Variants in USP43 observed in about 807,000 individuals in gnomAD.
USP43 encodes the protein ubiquitin carboxyl-terminal hydrolase 43.
USP43 carries 33 observed loss-of-function variants against 90.7 expected under a neutral mutation model. The observed-to-expected ratio is 0.36, with a 90% CI of 0.28 to 0.49. The LOEUF (loss-of-function observed/expected upper bound fraction) is 0.49, where lower values mean the gene tolerates loss of function less well. Ranked by LOEUF, USP43 falls within the 20% of genes least tolerant of loss-of-function variation. The pLI, the probability that USP43 is intolerant of heterozygous loss-of-function variation, is 0.98. For synonymous variants in USP43, 598 were observed against 615.8 expected (o/e 0.97, Z 0.43); for missense variants, 1,274 against 1,476.4 (o/e 0.86, Z 2.25).
At chr17:9,645,455 G>C (rs951477507), upstream of USP43, 13 of 494,202 alleles carry the variant, frequency 2.6e-5, no homozygotes, top group African/African-American at 2.7e-4. The surrounding 1 kb of genome is among the most constrained non-coding windows in gnomAD (Gnocchi z 6.8). Flanking sequence ...TGGTCGTGCC[G>C]CCGGATTCCC....
In USP43 at chr17:9,728,420, T is replaced by C. The variant is rs1917394352; in HGVS notation, c.2802T>C (p.Thr934=). 1.2e-6 allele frequency: 2 copies of C among 1,610,794 alleles called. No individual in the cohort carries two copies. Among genetic ancestry groups the C allele is most frequent in the Admixed American group, 3.4e-5 (2 of 59,354 alleles). Residue 934 remains threonine (T), a synonymous_variant, in exon 15 of 15, where the codon ACT becomes ACC. Coordinates refer to ENST00000285199, the MANE Select transcript of USP43 (RefSeq NM_153210.5). The surrounding 1 kb of genome is among the most constrained non-coding windows in gnomAD (Gnocchi z 6.2). Reference sequence around the variant, plus strand: ...CCAGAAAGTTTGACCTGCCTCTCACTGTGATGCCTTCAGTGGAGCATGAGA... The same window carrying C: ...CCAGAAAGTTTGACCTGCCTCTCACCGTGATGCCTTCAGTGGAGCATGAGA... ...KLPRKFDLPL[T]VMPSVEHEKP...
At chr17:9,718,096 G>A (rs950476712) in intron 14 of USP43, among the ~76,000 whole-genome samples, 2 of 151,834 alleles carry the variant, frequency 1.3e-5, no homozygotes, top group South Asian at 2.1e-4. Context: ...GCGCCCAGCC[G>A]TAGCTCACAT....
chr17:9,668,161 C>T (rs765257855), intron 3 of USP43, among the ~76,000 whole-genome samples: 14 of 152,186 alleles, frequency 9.2e-5, no homozygotes, highest in East Asian at 1.9e-4. Context: ...TAAATCATTT[C>T]GAAGCCATGC....
chr17:9,667,882 T>G (rs1313067796), intron 3 of USP43, among the ~76,000 whole-genome samples: 1 of 152,212 alleles, frequency 6.6e-6, no homozygotes, highest in Non-Finnish European at 1.5e-5. Flanking sequence ...TTTTAAGCCT[T>G]ACAAAAGTCT....
At chr17:9,700,428 C>T (rs1915503603) in intron 10 of USP43, among the ~76,000 whole-genome samples, 179 bp downstream of exon 10, 1 of 152,118 alleles carries the variant, frequency 6.6e-6, no homozygotes, top group Non-Finnish European at 1.5e-5. Context: ...ATAACAGTGA[C>T]AGGAATGGAG....
rs201057063 is a variant in USP43 at position 9,709,742 on chromosome 17, AT to A, written c.2012-213del. ...AAAATAAATAAAAATAAATAAATAAATAAAAATAATAACAGCACTTGTTATA... is the reference window on the plus strand; with the variant it reads ...AAAATAAATAAAAATAAATAAATAAAAAAAATAATAACAGCACTTGTTATA... On this transcript the variant is annotated intron_variant, in intron 12 of 14. Coordinates refer to ENST00000285199, the MANE Select transcript of USP43 (RefSeq NM_153210.5). This position sits in a 1 kb window ranked among gnomAD's most constrained non-coding sequence, Gnocchi z 5.0. Among the ~76,000 whole-genome samples the A allele has an allele frequency of 2.4e-3, 372 of 152,180 alleles. 2 individuals carry two copies. The highest frequency in any genetic ancestry group is 8.5e-3 in the African/African-American group (353 of 41,522).
chr17:9,720,193 G>A (rs1029565322), intron 14 of USP43, among the ~76,000 whole-genome samples: 1 of 151,750 alleles, frequency 6.6e-6, no homozygotes, highest in African/African-American at 2.4e-5. Context: ...GGGCATGGTG[G>A]TGTGTGCCTG....
In USP43 at chr17:9,699,652, T is replaced by A. The variant is rs927551316; in HGVS notation, c.1458-520T>A. 2.0e-5 allele frequency among the ~76,000 whole-genome samples: 3 copies of A among 152,346 alleles called. No individual in the cohort carries two copies. In the East Asian group the frequency reaches 5.8e-4, roughly 29 times the overall value. On this transcript the variant is annotated intron_variant, in intron 9 of 14. Coordinates refer to ENST00000285199, the MANE Select transcript of USP43 (RefSeq NM_153210.5). ...CTGATCCACCGTTTCTGAAATGGGCTGGGCCCAAGTAGTTGGAAAGAGCTA... is the reference window on the plus strand; with the variant it reads ...CTGATCCACCGTTTCTGAAATGGGCAGGGCCCAAGTAGTTGGAAAGAGCTA...
intron 8 of USP43, among the ~76,000 whole-genome samples, chr17:9,692,201 A>G (rs555410883): frequency 4.6e-5 from 7 of 151,582 alleles, no homozygotes; most frequent in African/African-American, 1.7e-4. Flanking sequence ...TCTACTAAAA[A>G]TACAAAAATT....
intron 2 of USP43, among the ~76,000 whole-genome samples, chr17:9,660,035 A>G (rs950086612): frequency 6.6e-6 from 1 of 152,196 alleles, no homozygotes; most frequent in Non-Finnish European, 1.5e-5. Context: ...CAAAATCACC[A>G]TTCCCCTAAC....
At chr17:9,694,960 G>A (rs1915171676) in intron 9 of USP43, among the ~76,000 whole-genome samples, 1 of 152,100 alleles carries the variant, frequency 6.6e-6, no homozygotes, top group Non-Finnish European at 1.5e-5. Flanking sequence ...GTCTGCAGTG[G>A]TTTGGAAACA....
At position 9,701,004 on chromosome 17, in the gene USP43, A is replaced by G. The variant is rs1915531587; in HGVS notation, c.1536-115A>G. The G allele has an allele frequency of 7.6e-7, 1 of 1,309,490 alleles. No individual in the cohort carries two copies. Among genetic ancestry groups the G allele is most frequent in the Non-Finnish European group, 9.9e-7 (1 of 1,007,330 alleles). 81.1% of individuals were successfully genotyped at this position (1,309,490 alleles called of 1,614,324 possible). On this transcript the variant is annotated intron_variant, in intron 10 of 14. Transcript: ENST00000285199. This position sits in a 1 kb window ranked among gnomAD's most constrained non-coding sequence, Gnocchi z 7.2. Reference sequence around the variant, plus strand: ...CTCTCCAGGAACCCATAGGCAGGGCACGGTAGTGTGGCCTGGCCAATGTCT... The same window carrying G: ...CTCTCCAGGAACCCATAGGCAGGGCGCGGTAGTGTGGCCTGGCCAATGTCT...
At chr17:9,715,699 CTGTG>C (rs1217889576) in intron 14 of USP43, among the ~76,000 whole-genome samples, 2 of 99,470 alleles carry the variant, frequency 2.0e-5, no homozygotes, top group Non-Finnish European at 3.8e-5. Flanking sequence ...GTGTGTGTGT[CTGTG>C]TGTGTCTCTG....
chr17:9,693,661 C>T (rs932119435), intron 9 of USP43, among the ~76,000 whole-genome samples: 2 of 152,010 alleles, frequency 1.3e-5, no homozygotes, highest in African/African-American at 4.8e-5. Flanking sequence ...CATGGTGAAA[C>T]CCCATCTCTA....
At chr17:9,661,231 C>T (rs1415190418) in intron 2 of USP43, among the ~76,000 whole-genome samples, 7 of 152,124 alleles carry the variant, frequency 4.6e-5, no homozygotes, top group Non-Finnish European at 1.0e-4. Flanking sequence ...CAGAAAATGC[C>T]GCTCTTGCAG....
intron 1 of USP43, among the ~76,000 whole-genome samples, chr17:9,648,938 C>CCTCTCTTTCTCTCT (rs1458953870): frequency 2.1e-4 from 27 of 129,894 alleles, no homozygotes; most frequent in African/African-American, 7.6e-4. Context: ...TGTCTCTCTC[C>CCTCTCTTTCTCTCT]CTCTCTCTCT....
At chr17:9,712,741 T>G (rs867440872) in intron 14 of USP43, among the ~76,000 whole-genome samples, 10 of 152,130 alleles carry the variant, frequency 6.6e-5, no homozygotes, top group African/African-American at 2.4e-4. Flanking sequence ...GGTATAAAGT[T>G]TGGACTCTAT....
At chr17:9,711,088 AAAG>A (rs1371863063) in intron 13 of USP43, among the ~76,000 whole-genome samples, 4 of 152,202 alleles carry the variant, frequency 2.6e-5, no homozygotes, top group Non-Finnish European at 5.9e-5. Context: ...CTATTAGAGA[AAAG>A]AAGTTTTTCT....
chr17:9,648,636 T>C (rs937425169), intron 1 of USP43, among the ~76,000 whole-genome samples: 1 of 151,786 alleles, frequency 6.6e-6, no homozygotes, highest in Non-Finnish European at 1.5e-5. Flanking sequence ...TTTTGAAGGA[T>C]TAGGTGTCAA....
Sources: gnomAD v4.1 joint callset for allele counts (sites outside exome capture counted in the v4.1 genomes callset) on GRCh38, gnomAD v4.1.1 for gene constraint, Gnocchi (gnomAD v3.1) non-coding constraint, MANE v1.5 for transcripts, NCBI Gene and HGNC (gene_info 2026-07-23, HGNC 2026-07-21) for gene names.